Variants in COL17A1 observed in about 807,000 individuals in gnomAD.
COL17A1 encodes the protein collagen alpha-1(XVII) chain.
Under a neutral mutation model 218.4 loss-of-function variants are expected in COL17A1, and 181 were observed. That is an observed-to-expected ratio of 0.83 (90% CI 0.73 to 0.94). COL17A1 has a LOEUF of 0.94. Among genes scored for constraint, COL17A1 ranks in the 40% least tolerant of loss-of-function variants. COL17A1 has a pLI of 0.00. For missense variants in COL17A1, 1,924 were observed against 1,945.9 expected, an observed-to-expected ratio of 0.99 and a Z score of 0.21; for synonymous variants, 721 against 731.0, an observed-to-expected ratio of 0.99 and a Z score of 0.22.
rs2086486509 is a variant in COL17A1 at position 104,053,087 on chromosome 10, G to A, written c.1883C>T (p.Pro628Leu). The change falls in exon 23 of 56, where the codon CCC becomes CTC. Residue 628 changes from proline to leucine, a missense_variant. By Grantham distance (98) the Pro-to-Leu change is moderately conservative. Coordinates refer to ENST00000648076, the MANE Select transcript of COL17A1 (RefSeq NM_000494.4). The part of the protein sequence containing the change: ...GPMGQRGREG[P>L]MGPRGEAGPP... Reference sequence around the variant, plus strand: ...CCCTGCCTCACCACGAGGTCCCATGGGGCCTTCTCGCCCTCTCTGGCCCAT... The same window carrying A: ...CCCTGCCTCACCACGAGGTCCCATGAGGCCTTCTCGCCCTCTCTGGCCCAT... The A allele has an allele frequency of 6.2e-7, 1 of 1,613,820 alleles. No homozygotes were observed. Among genetic ancestry groups the A allele is most frequent in the Admixed American group, 1.7e-5 (1 of 60,012 alleles).
chr10:104,065,046 A>C (rs1259909348), intron 9 of COL17A1, among the ~76,000 whole-genome samples: 1 of 152,208 alleles, frequency 6.6e-6, no homozygotes, highest in Non-Finnish European at 1.5e-5. Flanking sequence ...TGCAGGGTGC[A>C]TGCCTGGGCA....
rs200879559 is a variant in COL17A1, at chr10:104,073,224, C to G, written c.401G>C (p.Arg134Pro). Residue 134 changes from arginine (R) to proline (P), a missense_variant, in exon 7 of 56, where the codon CGG becomes CCG. Transcript: ENST00000648076. ...ACAGCACTCACCTCGTGTTTGACTC[C>G]GTCCTCTGGTTGAAGAAGATGCTGA... Reference protein sequence around the residue: ...KEFASSSTRGRSQTRESEIRV... With the variant: ...KEFASSSTRGPSQTRESEIRV... 1 of 1,613,818 alleles carries G rather than the reference C, an allele frequency of 6.2e-7. No individual in the cohort carries two copies. Among genetic ancestry groups the G allele is most frequent in the Non-Finnish European group, 8.5e-7 (1 of 1,179,854 alleles).
intron 40 of COL17A1, 106 bp downstream of exon 40, chr10:104,040,245 G>A: frequency 1.0e-6 from 1 of 967,542 alleles, no homozygotes; most frequent in Non-Finnish European, 1.7e-6. Context: ...GCAGAAGGAT[G>A]CAAAAATGCC....
intron 48 of COL17A1, among the ~76,000 whole-genome samples, chr10:104,035,969 AGT>A (rs201117290): frequency 0.038 from 2,675 of 69,856 alleles, 79 homozygotes; most frequent in African/African-American, 0.12. Flanking sequence ...GGAGTATGGG[AGT>A]GTGTTTATGG....
At chr10:104,072,677 C>A (rs2086678370) in intron 7 of COL17A1, among the ~76,000 whole-genome samples, 1 of 152,138 alleles carries the variant, frequency 6.6e-6, no homozygotes, top group African/African-American at 2.4e-5. Context: ...TCAGCTCAGC[C>A]CTAACATGCT....
chr10:104,071,941 C>T, intron 8 of COL17A1, 91 bp downstream of exon 8: 1 of 1,531,232 alleles, frequency 6.5e-7, no homozygotes, highest in Non-Finnish European at 9.0e-7. Context: ...TGCATGCATG[C>T]ACACACACAC....
chr10:104,063,460 A>G, intron 11 of COL17A1: 1 of 453,962 alleles, frequency 2.2e-6, no homozygotes, highest in Non-Finnish European at 4.1e-6. Context: ...AATGTCCTAC[A>G]CGATGATTCC....
At chr10:104,043,962 G>A in intron 33 of COL17A1, 102 bp from the exon 34 acceptor site, 2 of 1,284,422 alleles carry the variant, frequency 1.6e-6, no homozygotes, top group Non-Finnish European at 2.3e-6. Context: ...ACCCACTTCT[G>A]GGCCTCTCAC....
At chr10:104,056,349 A>G (rs1345634014) in intron 17 of COL17A1, among the ~76,000 whole-genome samples, 4 of 152,086 alleles carry the variant, frequency 2.6e-5, no homozygotes, top group South Asian at 2.1e-4. Context: ...TTGGGAGGCC[A>G]AGGGGGGCAG....
intron 5 of COL17A1, among the ~76,000 whole-genome samples, chr10:104,075,734 C>T (rs149577845): frequency 3.9e-4 from 59 of 152,324 alleles, no homozygotes; most frequent in African/African-American, 1.3e-3. Context: ...ACCTTTTGCA[C>T]GTAAGTACCA....
intron 1 of COL17A1, among the ~76,000 whole-genome samples, chr10:104,081,764 C>T (rs926071796): frequency 4.6e-5 from 7 of 152,142 alleles, no homozygotes; most frequent in Non-Finnish European, 8.8e-5. Context: ...CCTTCAGGCT[C>T]GACTTACCCA....
At chr10:104,077,648 T>C in intron 3 of COL17A1, 122 bp from the exon 4 acceptor site, 3 of 761,894 alleles carry the variant, frequency 3.9e-6, no homozygotes, top group Non-Finnish European at 4.6e-6. Flanking sequence ...TTGGGGTTCC[T>C]TTCCCACCTA....
intron 6 of COL17A1, 177 bp downstream of exon 6, chr10:104,074,007 T>C (rs2086688758): frequency 3.4e-6 from 3 of 873,916 alleles, no homozygotes; most frequent in African/African-American, 1.7e-5. Context: ...TGGCTGATAG[T>C]CCCCTTAATA....
chr10:104,074,055 A>C, intron 6 of COL17A1, 129 bp downstream of exon 6: 1 of 1,428,386 alleles, frequency 7.0e-7, no homozygotes, highest in Admixed American at 1.7e-5. Flanking sequence ...ATAGGTCAGC[A>C]GGGGTCAAAC....
chr10:104,033,291 T>A lies in COL17A1; in HGVS notation c.4241A>T (p.Lys1414Met). The A allele has an allele frequency of 6.2e-7, 1 of 1,600,978 alleles. No homozygotes were observed. The highest frequency in any genetic ancestry group is 8.5e-7 in the Non-Finnish European group (1 of 1,173,806). Reference protein sequence around the residue: ...PGPQGPPGISKVFSAYSNVTA... With the variant: ...PGPQGPPGISMVFSAYSNVTA... Reference sequence around the variant, plus strand: ...CACGTTGCTGTAGGCAGAGAAGACCTTGCTGATGCCGGGTGGCCCCTGTGG... The same window carrying A: ...CACGTTGCTGTAGGCAGAGAAGACCATGCTGATGCCGGGTGGCCCCTGTGG... The change falls in exon 53 of 56, where the codon AAG becomes ATG. Residue 1414 changes from lysine to methionine, a missense_variant. By Grantham distance (95) the Lys-to-Met change is moderately conservative (BLOSUM62 -1). Coordinates refer to ENST00000648076, the MANE Select transcript of COL17A1 (RefSeq NM_000494.4).
chr10:104,070,295 G>A, intron 9 of COL17A1, 131 bp downstream of exon 9: 1 of 1,533,654 alleles, frequency 6.5e-7, no homozygotes, highest in Non-Finnish European at 8.8e-7. Flanking sequence ...GTGCTAGCTG[G>A]AATGAGATTT....
intron 1 of COL17A1, among the ~76,000 whole-genome samples, chr10:104,084,460 C>T (rs1038041885): frequency 6.6e-6 from 1 of 152,070 alleles, no homozygotes; most frequent in Non-Finnish European, 1.5e-5. Context: ...CAGGCATGCA[C>T]CGCCACACCC....
intron 9 of COL17A1, among the ~76,000 whole-genome samples, chr10:104,067,585 G>T (rs543610411): frequency 9.2e-5 from 14 of 152,248 alleles, no homozygotes; most frequent in South Asian, 4.1e-4. Flanking sequence ...GGGGAGCCAC[G>T]GCATGGCTCA....
rs768281227 is a variant in COL17A1 at position 104,037,655 on chromosome 10, G to A, written c.3189C>T (p.His1063=). The A allele has an allele frequency of 5.6e-6, 9 of 1,614,096 alleles. No homozygotes were observed. The South Asian group carries it at 7.7e-5, about 14-fold the overall frequency. Residue 1063 remains histidine, a synonymous_variant, in exon 46 of 56, where the codon CAC becomes CAT. Coordinates refer to ENST00000648076, the MANE Select transcript of COL17A1 (RefSeq NM_000494.4). The part of the protein sequence containing the change: ...ETFDYSELAS[H]VVSYLRTSGY... ...GCTTACTCCGTAAGTAGCTCACAAC[G>A]TGGCTTGCCAGCTCTGAGTAGTCGA...
Sources: gnomAD v4.1 joint callset for allele counts (sites outside exome capture counted in the v4.1 genomes callset) on GRCh38, gnomAD v4.1.1 for gene constraint, MANE v1.5 for transcripts, NCBI Gene and HGNC (gene_info 2026-07-23, HGNC 2026-07-21) for gene names.